Variants in PCGF5 observed in about 807,000 individuals in gnomAD.
PCGF5 encodes the protein polycomb group ring finger 5, also known as polycomb group RING finger protein 5.
A neutral mutation model predicts 44.3 loss-of-function variants in PCGF5; 9 were observed. The ratio of observed to expected loss-of-function variants is 0.20; its 90% CI spans 0.12 to 0.35. The LOEUF (loss-of-function observed/expected upper bound fraction) is 0.35, where lower values mean the gene tolerates loss of function less well. PCGF5 is among the 10% of genes least tolerant of loss of function. The pLI, the probability that PCGF5 is intolerant of heterozygous loss-of-function variation, is 1.00. For synonymous variants in PCGF5, 95 were observed against 102.5 expected, an observed-to-expected ratio of 0.93 and a Z score of 0.44; for missense variants, 146 against 305.3, an observed-to-expected ratio of 0.48 and a Z score of 3.89.
At position 91,199,306 on chromosome 10, in the gene PCGF5, G is replaced by A. The variant is rs76431120; in HGVS notation, c.-183-23383G>A. On this transcript the variant is annotated intron_variant, in intron 1 of 9. Transcript: ENST00000614189. ...TATTAGGGAATGCCCTTTGAAGGGT[G>A]GGAAGGCAGCAAGGGGGGCAGAAAA... Among the ~76,000 whole-genome samples the A allele has an allele frequency of 9.7e-3, 1,481 of 152,358 alleles. 29 individuals are homozygous for A. Among genetic ancestry groups the A allele is most frequent in the African/African-American group, 0.034 (1,399 of 41,578 alleles).
intron 6 of PCGF5, among the ~76,000 whole-genome samples, chr10:91,261,044 T>C (rs1226741201): frequency 6.7e-6 from 1 of 150,298 alleles, no homozygotes; most frequent in Non-Finnish European, 1.5e-5. Context: ...TTTAAGCTCA[T>C]GTTTTCTTTA....
intron 1 of PCGF5, among the ~76,000 whole-genome samples, chr10:91,193,355 A>G (rs535098752): frequency 1.3e-5 from 2 of 151,064 alleles, no homozygotes; most frequent in East Asian, 3.9e-4. Flanking sequence ...AACCTACACA[A>G]CTGTGAGATG....
At chr10:91,162,829 G>T (rs1035508336), upstream of PCGF5, among the ~76,000 whole-genome samples, 1 of 149,718 alleles carries the variant, frequency 6.7e-6, no homozygotes, top group East Asian at 2.0e-4. Context: ...ACAAACCCAC[G>T]GTAACTCCTC....
At chr10:91,192,681 A>G (rs566497192) in intron 1 of PCGF5, among the ~76,000 whole-genome samples, 7 of 152,374 alleles carry the variant, frequency 4.6e-5, no homozygotes, top group African/African-American at 1.2e-4. Flanking sequence ...ATACAATAAA[A>G]CAGGCATAGT....
Position 91,280,995 on chromosome 10 carries a change from T to C in PCGF5, c.*2679T>C, listed in dbSNP as rs1846439854. The C allele has an allele frequency of 1.3e-5, 2 of 152,480 alleles. No individual in the cohort carries two copies. Among genetic ancestry groups the C allele is most frequent in the Non-Finnish European group, 2.9e-5 (2 of 67,896 alleles). 9.4% of individuals were successfully genotyped at this position (152,480 alleles called of 1,614,324 possible). On this transcript the variant is annotated 3_prime_UTR_variant, in exon 10 of 10. Coordinates refer to ENST00000336126, the MANE Select transcript of PCGF5 (RefSeq NM_032373.5). Reference sequence around the variant, plus strand: ...TTTACTTCCATAAAAGATTTTGTTATCTCTTTTATCTGCCTTAGAAATTAT... The same window carrying C: ...TTTACTTCCATAAAAGATTTTGTTACCTCTTTTATCTGCCTTAGAAATTAT...
intron 3 of PCGF5, among the ~76,000 whole-genome samples, chr10:91,244,189 G>A (rs1326830298): frequency 2.6e-5 from 4 of 152,136 alleles, no homozygotes; most frequent in Non-Finnish European, 5.9e-5. Flanking sequence ...AGTGTGAAGT[G>A]GGGGCAGATT....
At chr10:91,265,254 C>T (rs1354762242) in intron 8 of PCGF5, among the ~76,000 whole-genome samples, 1 of 151,992 alleles carries the variant, frequency 6.6e-6, no homozygotes, top group Non-Finnish European at 1.5e-5. Context: ...AACTTAGGTT[C>T]AAGCATGGGA....
chr10:91,198,391 A>G (rs1243671446), intron 1 of PCGF5, among the ~76,000 whole-genome samples: 2 of 151,970 alleles, frequency 1.3e-5, no homozygotes, highest in Non-Finnish European at 2.9e-5. Flanking sequence ...TATAAGACCA[A>G]CTTCCTTACC....
chr10:91,168,739 C>T (rs1335822622), intron 1 of PCGF5, among the ~76,000 whole-genome samples: 1 of 151,692 alleles, frequency 6.6e-6, no homozygotes, highest in South Asian at 2.1e-4. Flanking sequence ...CCAGTCTGGC[C>T]AACATAGTGA....
At chr10:91,277,246 G>T (rs551712975) in intron 9 of PCGF5, among the ~76,000 whole-genome samples, 1 of 152,264 alleles carries the variant, frequency 6.6e-6, no homozygotes, top group Admixed American at 6.5e-5. Context: ...TCATTTTCAG[G>T]ATTGTTAAAT....
intron 1 of PCGF5, among the ~76,000 whole-genome samples, chr10:91,170,428 C>G (rs1843583170): frequency 6.6e-6 from 1 of 152,146 alleles, no homozygotes; most frequent in South Asian, 2.1e-4. Context: ...GAATATGCAA[C>G]CCATTTACAA....
the PCGF5 span, among the ~76,000 whole-genome samples, chr10:91,156,579 T>C: frequency 6.6e-6 from 1 of 152,188 alleles, no homozygotes. Context: ...GAATAAATCT[T>C]TGGCCTGTCA....
At chr10:91,217,395 T>C (rs1445526155), upstream of PCGF5, among the ~76,000 whole-genome samples, 1 of 152,224 alleles carries the variant, frequency 6.6e-6, no homozygotes, top group East Asian at 1.9e-4. Context: ...TTTCAATCAC[T>C]TTATGCCATT....
Position 91,191,981 on chromosome 10 carries a change from A to C in PCGF5, c.-184+28900A>C, listed in dbSNP as rs768074145. ...TCACTGGTGAGCTGTGAGATTAGAC[A>C]AGTTATTTACCCTCTCTGAGCCTCA... On this transcript the variant is annotated intron_variant, in intron 1 of 9. Coordinates refer to the PCGF5 transcript ENST00000614189. 8.1e-4 allele frequency among the ~76,000 whole-genome samples: 124 copies of C among 152,342 alleles called. 2 individuals carry two copies. Among genetic ancestry groups the C allele is most frequent in the Non-Finnish European group, 2.6e-4 (18 of 68,032 alleles).
chr10:91,215,010 C>T (rs117915234), intron 1 of PCGF5, among the ~76,000 whole-genome samples: 28 of 152,234 alleles, frequency 1.8e-4, no homozygotes, highest in Admixed American at 5.9e-4. Flanking sequence ...TCAATGGTTA[C>T]GGAAATATTG....
chr10:91,216,007 A>G (rs1026882434), upstream of PCGF5, among the ~76,000 whole-genome samples: 1 of 152,248 alleles, frequency 6.6e-6, no homozygotes, highest in African/African-American at 2.4e-5. Flanking sequence ...CTTAGAATGT[A>G]TGCTGCAAAT....
intron 1 of PCGF5, among the ~76,000 whole-genome samples, chr10:91,165,676 C>T (rs76271374): frequency 0.037 from 5,582 of 152,068 alleles, 361 homozygotes; most frequent in African/African-American, 0.13. Flanking sequence ...TTGTTCATGT[C>T]GGTAATGCCA....
rs190430546 is a variant in PCGF5 at position 91,248,495 on chromosome 10, C to A, written c.210-10C>A. On this transcript the variant is annotated splice_polypyrimidine_tract_variant and intron_variant, in intron 3 of 9. Coordinates refer to ENST00000336126, the MANE Select transcript of PCGF5 (RefSeq NM_032373.5). ...CATTGTTAGTATTTTCTTTCTCCCC[C>A]CTTTCGAAGGTTGGACAATACATTA... 2 of 1,608,976 alleles carry A rather than the reference C, an allele frequency of 1.2e-6. No homozygotes were observed. Among genetic ancestry groups the A allele is most frequent in the African/African-American group, 2.7e-5 (2 of 74,700 alleles).
intron 1 of PCGF5, among the ~76,000 whole-genome samples, chr10:91,165,565 A>G (rs1843484742): frequency 6.6e-6 from 1 of 152,196 alleles, no homozygotes; most frequent in African/African-American, 2.4e-5. Context: ...TGGCGCAATC[A>G]TAGCCTCAAC....
Sources: allele counts gnomAD v4.1 joint callset (sites outside exome capture counted in the v4.1 genomes callset), GRCh38; gene constraint gnomAD v4.1.1; transcripts MANE v1.5; gene names NCBI Gene and HGNC (gene_info 2026-07-23, HGNC 2026-07-21).